NELL1: variants seen among roughly 807,000 people sequenced by gnomAD.
The protein encoded by NELL1 is protein kinase C-binding protein NELL1.
A neutral mutation model predicts 107.4 loss-of-function variants in NELL1; 76 were observed. That is an observed-to-expected ratio of 0.71 (90% CI 0.59 to 0.86). The LOEUF (loss-of-function observed/expected upper bound fraction) is 0.86, where lower values mean the gene tolerates loss of function less well. Ranked by LOEUF, NELL1 falls within the 40% of genes least tolerant of loss-of-function variation. The pLI is 0.00. For missense variants in NELL1, 1,024 were observed against 1,005.5 expected (o/e 1.02, Z -0.25); for synonymous variants, 353 against 341.2 (o/e 1.03, Z -0.38).
intron 15 of NELL1, among the ~76,000 whole-genome samples, chr11:21,417,291 T>A (rs562264458): frequency 3.9e-5 from 6 of 152,174 alleles, no homozygotes; most frequent in Non-Finnish European, 7.4e-5. Context: ...GTATACCATA[T>A]CCCAGTTTCC....
chr11:21,419,732 T>C (rs1049114053), intron 15 of NELL1, among the ~76,000 whole-genome samples: 1 of 152,154 alleles, frequency 6.6e-6, no homozygotes, highest in Non-Finnish European at 1.5e-5. Flanking sequence ...AAAGGTGCAA[T>C]ATTCAAGTAA....
chr11:21,313,047 C>T (rs1030277922), intron 14 of NELL1, among the ~76,000 whole-genome samples: 29 of 135,322 alleles, frequency 2.1e-4, no homozygotes, highest in African/African-American at 7.0e-4. Flanking sequence ...CTGCACTCCC[C>T]GTCTCAAAAT....
chr11:20,891,980 T>C (rs1380276083), intron 5 of NELL1, among the ~76,000 whole-genome samples: 2 of 152,152 alleles, frequency 1.3e-5, no homozygotes, highest in East Asian at 3.9e-4. Flanking sequence ...AACAAGGATA[T>C]TCAGGACTTG....
In NELL1 at chr11:20,980,598, A is replaced by G. The variant is rs61196278; in HGVS notation, c.1300+20038A>G. Among the ~76,000 whole-genome samples, 849 of 152,346 alleles carry G rather than the reference A, an allele frequency of 5.6e-3. 12 individuals carry two copies. The highest frequency in any genetic ancestry group is 0.019 in the African/African-American group (805 of 41,588). ...CAGTATTTTTGAAAATAAAATGTAGAAATAAGCCTAAATAAGTTCTATACA... is the reference window on the plus strand; with the variant it reads ...CAGTATTTTTGAAAATAAAATGTAGGAATAAGCCTAAATAAGTTCTATACA... On this transcript the variant is annotated intron_variant, in intron 12 of 19. Coordinates refer to ENST00000357134, the MANE Select transcript of NELL1 (RefSeq NM_006157.5).
chr11:20,673,175 T>C (rs1022094337), intron 1 of NELL1, among the ~76,000 whole-genome samples: 3 of 152,020 alleles, frequency 2.0e-5, no homozygotes, highest in South Asian at 4.2e-4. Flanking sequence ...AGATTTTCTT[T>C]TGGAAGGAAC....
chr11:20,885,123 T>G (rs932465822), intron 4 of NELL1, among the ~76,000 whole-genome samples: 1 of 152,172 alleles, frequency 6.6e-6, no homozygotes, highest in Non-Finnish European at 1.5e-5. Flanking sequence ...GATTCCTAAA[T>G]CTGAGCTTTC....
At chr11:21,499,486 A>C (rs1204467588) in intron 15 of NELL1, among the ~76,000 whole-genome samples, 1 of 152,038 alleles carries the variant, frequency 6.6e-6, no homozygotes, top group Non-Finnish European at 1.5e-5. Flanking sequence ...GTGTTTGGTA[A>C]AATTGTCCAT....
intron 15 of NELL1, among the ~76,000 whole-genome samples, chr11:21,435,861 T>C (rs532131877): frequency 2.0e-3 from 305 of 152,026 alleles, no homozygotes; most frequent in African/African-American, 6.8e-3. Flanking sequence ...CTTCATAGAA[T>C]GAGTTAAGAA....
intron 13 of NELL1, among the ~76,000 whole-genome samples, chr11:21,157,179 G>GTA (rs1330714683): frequency 6.6e-6 from 1 of 151,780 alleles, no homozygotes; most frequent in Admixed American, 6.6e-5. Flanking sequence ...GTGTGTGTGT[G>GTA]TGTGTACATA....
chr11:21,098,770 G>C (rs1387687377), intron 12 of NELL1, among the ~76,000 whole-genome samples: 1 of 151,946 alleles, frequency 6.6e-6, no homozygotes, highest in Non-Finnish European at 1.5e-5. Flanking sequence ...ATCAGCATTT[G>C]ATAATAAATA....
chr11:21,142,397 A>C (rs1031302200), intron 13 of NELL1, among the ~76,000 whole-genome samples: 1 of 152,224 alleles, frequency 6.6e-6, no homozygotes, highest in African/African-American at 2.4e-5. Context: ...ACATTTCTCA[A>C]ATTCCCTTGC....
intron 15 of NELL1, among the ~76,000 whole-genome samples, chr11:21,373,685 C>T (rs1355326355): frequency 6.6e-6 from 1 of 152,048 alleles, no homozygotes; most frequent in East Asian, 1.9e-4. Context: ...CACAGATGAA[C>T]AACTCTGCAT....
chr11:21,302,268 C>T (rs768195060), intron 14 of NELL1, among the ~76,000 whole-genome samples: 31 of 152,054 alleles, frequency 2.0e-4, no homozygotes, highest in Non-Finnish European at 3.7e-4. Flanking sequence ...GATGCCTTCA[C>T]TGTCATGGCT....
chr11:21,445,829 A>G (rs900825906), intron 15 of NELL1, among the ~76,000 whole-genome samples: 1 of 152,200 alleles, frequency 6.6e-6, no homozygotes, highest in South Asian at 2.1e-4. Flanking sequence ...CTATTCTAAG[A>G]TAAAAGTGTC....
intron 13 of NELL1, among the ~76,000 whole-genome samples, chr11:21,190,068 G>A (rs1427303337): frequency 1.3e-5 from 2 of 151,696 alleles, no homozygotes; most frequent in African/African-American, 2.4e-5. Context: ...AAGAAAAGAT[G>A]CAGGCAGGGT....
chr11:21,192,091 T>C (rs771741048), intron 13 of NELL1, among the ~76,000 whole-genome samples: 1 of 151,918 alleles, frequency 6.6e-6, no homozygotes, highest in Non-Finnish European at 1.5e-5. Context: ...ATAGCACTTA[T>C]ATTTCCTACT....
intron 15 of NELL1, among the ~76,000 whole-genome samples, chr11:21,440,801 C>A (rs1040731136): frequency 2.0e-5 from 3 of 152,182 alleles, no homozygotes; most frequent in African/African-American, 7.2e-5. Flanking sequence ...TGGGTAGGAA[C>A]AAAGATATTA....
At chr11:21,052,549 C>A (rs1263334856) in intron 12 of NELL1, among the ~76,000 whole-genome samples, 1 of 152,070 alleles carries the variant, frequency 6.6e-6, no homozygotes, top group Non-Finnish European at 1.5e-5. Context: ...ATCGAGTAAT[C>A]TTCTATATGC....
intron 12 of NELL1, among the ~76,000 whole-genome samples, chr11:20,981,207 A>G (rs1851742656): frequency 6.6e-6 from 1 of 152,240 alleles, no homozygotes; most frequent in African/African-American, 2.4e-5. Context: ...AGAAAAAAGG[A>G]TGCCAGACAG....
Sources: allele counts gnomAD v4.1 joint callset (sites outside exome capture counted in the v4.1 genomes callset), GRCh38; gene constraint gnomAD v4.1.1; transcripts MANE v1.5; gene names NCBI Gene and HGNC (gene_info 2026-07-23, HGNC 2026-07-21).